The following MEGF10 variants were observed in gnomAD, a reference collection of about 807,000 sequenced individuals.
MEGF10 encodes the protein multiple EGF like domains 10, also known as multiple epidermal growth factor-like domains protein 10.
A neutral mutation model predicts 147.5 loss-of-function variants in MEGF10; 86 were observed. That is an observed-to-expected ratio of 0.58 (90% CI 0.49 to 0.70). MEGF10 has a LOEUF of 0.70. Among genes scored for constraint, MEGF10 ranks in the 30% least tolerant of loss-of-function variants. The pLI, the probability that MEGF10 is intolerant of heterozygous loss-of-function variation, is 0.00. For missense variants in MEGF10, 1,329 were observed against 1,487.3 expected (o/e 0.89, Z 1.75); for synonymous variants, 478 against 525.5 (o/e 0.91, Z 1.24).
chr5:127,393,938 G>A (rs1177699126), intron 5 of MEGF10, among the ~76,000 whole-genome samples: 1 of 151,826 alleles, frequency 6.6e-6, no homozygotes, highest in African/African-American at 2.4e-5. Context: ...GGAAAAATCA[G>A]TTCTGTCCCC....
the MEGF10 span, among the ~76,000 whole-genome samples, chr5:127,265,529 C>G: frequency 6.6e-6 from 1 of 152,242 alleles, no homozygotes; most frequent in African/African-American, 2.4e-5. Flanking sequence ...AGTATGCAGT[C>G]CCACCAACAG....
chr5:127,362,902 T>C (rs1392988923), intron 4 of MEGF10, among the ~76,000 whole-genome samples: 1 of 152,224 alleles, frequency 6.6e-6, no homozygotes, highest in African/African-American at 2.4e-5. Context: ...CTATTTTATC[T>C]TCTTCATTGG....
At chr5:127,278,012 A>G in the MEGF10 span, among the ~76,000 whole-genome samples, 1 of 152,158 alleles carries the variant, frequency 6.6e-6, no homozygotes, top group African/African-American at 2.4e-5. Flanking sequence ...AAGCCTGAAG[A>G]TCTATATTTA....
chr5:127,338,805 A>T (rs955377155), intron 2 of MEGF10, among the ~76,000 whole-genome samples: 1 of 152,108 alleles, frequency 6.6e-6, no homozygotes, highest in African/African-American at 2.4e-5. Flanking sequence ...CTGGGGTAAG[A>T]GGAGGGAATT....
intron 1 of MEGF10, among the ~76,000 whole-genome samples, chr5:127,321,405 G>GTGTTTGTGTGTA (rs1760780020): frequency 6.6e-6 from 1 of 152,070 alleles, no homozygotes; most frequent in Non-Finnish European, 1.5e-5. Context: ...TGCTCAGGGT[G>GTGTTTGTGTGTA]TGTTTGTGTG....
upstream of MEGF10, among the ~76,000 whole-genome samples, chr5:127,286,674 AAAG>A (rs1447350059): frequency 1.3e-5 from 2 of 151,944 alleles, no homozygotes; most frequent in Non-Finnish European, 2.9e-5. Flanking sequence ...ATTAAAGAAA[AAAG>A]AAGAGAAAAA....
At chr5:127,276,362 G>A in the MEGF10 span, among the ~76,000 whole-genome samples, 2 of 152,158 alleles carry the variant, frequency 1.3e-5, no homozygotes, top group African/African-American at 2.4e-5. Flanking sequence ...AATTCCCTGG[G>A]TTTAAAGAAA....
chr5:127,364,520 A>C (rs1302062852), intron 4 of MEGF10, among the ~76,000 whole-genome samples: 2 of 152,200 alleles, frequency 1.3e-5, no homozygotes, highest in Non-Finnish European at 2.9e-5. Flanking sequence ...CTATCAGTGT[A>C]CCTAGTGCAT....
chr5:127,307,616 T>G (rs1302916431), intron 1 of MEGF10, among the ~76,000 whole-genome samples: 1 of 152,202 alleles, frequency 6.6e-6, no homozygotes, highest in African/African-American at 2.4e-5. Flanking sequence ...TCTCTTCAAA[T>G]ACAACTTTAG....
chr5:127,241,124 G>A, the MEGF10 span, among the ~76,000 whole-genome samples: 18 of 152,114 alleles, frequency 1.2e-4, no homozygotes, highest in Non-Finnish European at 2.2e-4. Flanking sequence ...TCAAGTTCCC[G>A]AGGCACTGAT....
Position 127,375,436 on chromosome 5 carries a change from TA to T in MEGF10, c.412+5439del, listed in dbSNP as rs1762988743. Among the ~76,000 whole-genome samples the T allele has an allele frequency of 1.3e-5, 2 of 152,218 alleles. 1 individual carries two copies. Among genetic ancestry groups the T allele is most frequent in the South Asian group, 4.1e-4 (2 of 4,828 alleles). On this transcript the variant is annotated intron_variant, in intron 5 of 24. Coordinates refer to ENST00000503335, the MANE Select transcript of MEGF10 (RefSeq NM_001256545.2). ...AAAAACCAGGTATGTCAGAGAATTG[TA>T]AAAAGTTTGTTCTCCCAAAATGAAA...
chr5:127,387,208 C>T (rs748213823), intron 5 of MEGF10, among the ~76,000 whole-genome samples: 3 of 152,186 alleles, frequency 2.0e-5, no homozygotes, highest in African/African-American at 2.4e-5. Flanking sequence ...TACCCTTATT[C>T]CTTCCTCCAG....
At chr5:127,364,052 C>T (rs907942629) in intron 4 of MEGF10, among the ~76,000 whole-genome samples, 1 of 152,162 alleles carries the variant, frequency 6.6e-6, no homozygotes. Context: ...CATGAGATCC[C>T]CTTGATCTCA....
At position 127,369,910 on chromosome 5, in the gene MEGF10, C is replaced by A. The variant is rs745615372; in HGVS notation, c.320C>A (p.Pro107His). ...ATTTGATTGATTTTCTCTCTGACAG[C>A]CCACTGTGCTGATAAATGTGTCCAT... ...GFYESGEMCV[P>H]HCADKCVHGR... The change falls in exon 5 of 25, where the codon CCC becomes CAC. Residue 107 changes from proline to histidine, a missense_variant and splice_region_variant. This residue lies in a region of MEGF10 where 980 missense variants were observed against 1,085.9 expected (regional missense o/e 0.90). Transcript: ENST00000503335. 4.4e-6 allele frequency: 7 copies of A among 1,596,168 alleles called. No individual in the cohort carries two copies. In the East Asian group the frequency reaches 1.4e-4, roughly 31 times the overall value.
the MEGF10 span, among the ~76,000 whole-genome samples, chr5:127,259,892 C>T: frequency 6.6e-6 from 1 of 152,146 alleles, no homozygotes; most frequent in South Asian, 2.1e-4. Context: ...CACGGTGGCT[C>T]ATGCCTGTAA....
intron 1 of MEGF10, among the ~76,000 whole-genome samples, chr5:127,315,226 G>C (rs1234645989): frequency 1.3e-5 from 2 of 151,788 alleles, no homozygotes; most frequent in Admixed American, 1.3e-4. Context: ...TAAAATTAAA[G>C]GTTTTTTCCC....
At chr5:127,245,586 A>G in the MEGF10 span, among the ~76,000 whole-genome samples, 1 of 152,240 alleles carries the variant, frequency 6.6e-6, no homozygotes, top group African/African-American at 2.4e-5. Context: ...CGCAATGGCA[A>G]CAAAAGCCAA....
In MEGF10 at chr5:127,369,986, G is replaced by C; in HGVS notation, c.396G>C (p.Gly132=). Residue 132 remains glycine (G), a synonymous_variant, in exon 5 of 25, where the codon GGG becomes GGC. Coordinates refer to ENST00000503335, the MANE Select transcript of MEGF10 (RefSeq NM_001256545.2). ...NTCQCEPGWG[G]TNCSSACDGD... ...GTCAGTGTGAGCCTGGCTGGGGAGG[G>C]ACCAACTGCTCCAGTGGTAAGTTTC... 6.2e-7 allele frequency: 1 copy of C among 1,613,250 alleles called. No individual in the cohort carries two copies. Among genetic ancestry groups the C allele is most frequent in the Non-Finnish European group, 8.5e-7 (1 of 1,179,510 alleles).
chr5:127,429,849 T>A (rs1019267830), intron 13 of MEGF10, among the ~76,000 whole-genome samples: 2 of 152,178 alleles, frequency 1.3e-5, no homozygotes, highest in Admixed American at 6.5e-5. Flanking sequence ...ACAAATTTAG[T>A]TGTGCCCCTT....
Sources: allele counts gnomAD v4.1 joint callset (sites outside exome capture counted in the v4.1 genomes callset), GRCh38; gene constraint gnomAD v4.1.1; regional missense constraint gnomAD v4.1.1; transcripts MANE v1.5; gene names NCBI Gene and HGNC (gene_info 2026-07-23, HGNC 2026-07-21).